EYS: variants seen among roughly 807,000 people sequenced by gnomAD.
EYS encodes the protein protein eyes shut homolog.
A neutral mutation model predicts 282.1 loss-of-function variants in EYS; 250 were observed. That is an observed-to-expected ratio of 0.89 (90% CI 0.80 to 0.98). The LOEUF (loss-of-function observed/expected upper bound fraction) is 0.98, where lower values mean the gene tolerates loss of function less well. EYS is among the 50% of genes least tolerant of loss of function. The probability of loss-of-function intolerance (pLI) is 0.00; values close to 1 mark genes in which losing one functional copy is unlikely to be tolerated. For synonymous variants in EYS, 1,355 were observed against 1,282.9 expected (o/e 1.06, Z -1.20); for missense variants, 4,016 against 3,709.0 (o/e 1.08, Z -2.15).
At chr6:63,862,651 T>C (rs1772563616) in intron 36 of EYS, among the ~76,000 whole-genome samples, 1 of 152,224 alleles carries the variant, frequency 6.6e-6, no homozygotes, top group Non-Finnish European at 1.5e-5. Flanking sequence ...ATGATTCATC[T>C]CTTAGTAATC....
At chr6:65,174,724 C>A (rs1211828118) in intron 12 of EYS, among the ~76,000 whole-genome samples, 2 of 151,202 alleles carry the variant, frequency 1.3e-5, no homozygotes, top group Non-Finnish European at 3.0e-5. Flanking sequence ...TTGACTGATC[C>A]ATAAATTGTT....
At chr6:64,722,975 T>C (rs1771631319) in intron 22 of EYS, among the ~76,000 whole-genome samples, 1 of 151,916 alleles carries the variant, frequency 6.6e-6, no homozygotes, top group Non-Finnish European at 1.5e-5. Flanking sequence ...ACATTCTTAA[T>C]ACTTTTAGGT....
At chr6:63,864,659 G>A (rs1352262149) in intron 35 of EYS, among the ~76,000 whole-genome samples, 1 of 151,916 alleles carries the variant, frequency 6.6e-6, no homozygotes, top group Non-Finnish European at 1.5e-5. Context: ...GCCTTTTCAG[G>A]GCTTCATTGA....
At chr6:65,582,198 CAAATAAATAAAT>C (rs3049810) in intron 2 of EYS, among the ~76,000 whole-genome samples, 6 of 143,182 alleles carry the variant, frequency 4.2e-5, no homozygotes, top group Non-Finnish European at 3.0e-5. Context: ...TCCATCTCAA[CAAATAAATAAAT>C]AAATAAATAA....
intron 36 of EYS, among the ~76,000 whole-genome samples, chr6:63,854,409 C>A (rs185228164): frequency 6.6e-6 from 1 of 152,054 alleles, no homozygotes; most frequent in Non-Finnish European, 1.5e-5. Context: ...ACAATGAGAA[C>A]ACATGGACAC....
chr6:64,915,417 C>T (rs1341945016), intron 15 of EYS, among the ~76,000 whole-genome samples: 1 of 152,094 alleles, frequency 6.6e-6, no homozygotes, highest in African/African-American at 2.4e-5. Flanking sequence ...ATAAGGTCCT[C>T]AGTGTTGAAA....
At chr6:64,433,586 C>A (rs972364451) in intron 28 of EYS, among the ~76,000 whole-genome samples, 1 of 151,764 alleles carries the variant, frequency 6.6e-6, no homozygotes, top group Non-Finnish European at 1.5e-5. Context: ...CAGATATAGA[C>A]AGGGTATCAA....
intron 29 of EYS, among the ~76,000 whole-genome samples, chr6:64,350,362 A>C (rs890168154): frequency 1.3e-5 from 2 of 151,660 alleles, no homozygotes; most frequent in Admixed American, 1.3e-4. Flanking sequence ...CTAATTCCGA[A>C]TGTTAAAATT....
chr6:65,283,552 A>G (rs915834566), intron 12 of EYS, among the ~76,000 whole-genome samples: 4 of 151,884 alleles, frequency 2.6e-5, no homozygotes, highest in African/African-American at 9.7e-5. Context: ...TAGACTTGAC[A>G]TTTGTAACAC....
intron 35 of EYS, among the ~76,000 whole-genome samples, chr6:63,980,015 A>T (rs1368896252): frequency 6.6e-6 from 1 of 151,912 alleles, no homozygotes; most frequent in Admixed American, 6.6e-5. Flanking sequence ...ACTTTACAGC[A>T]GTAAATTAGA....
chr6:65,408,038 T>C (rs1766829374), intron 5 of EYS, among the ~76,000 whole-genome samples: 1 of 152,118 alleles, frequency 6.6e-6, no homozygotes. Flanking sequence ...CTGCAACTAT[T>C]GAGATGATTA....
intron 5 of EYS, among the ~76,000 whole-genome samples, chr6:65,425,322 A>G (rs1235043471): frequency 1.3e-5 from 2 of 152,078 alleles, no homozygotes; most frequent in Non-Finnish European, 2.9e-5. Flanking sequence ...GTGCAAAACA[A>G]GTAAAATTTG....
At chr6:64,915,407 A>G (rs1029206907) in intron 15 of EYS, among the ~76,000 whole-genome samples, 9 of 152,158 alleles carry the variant, frequency 5.9e-5, no homozygotes, top group African/African-American at 2.2e-4. Context: ...AAGAATTGAT[A>G]TAAGGTCCTC....
At chr6:64,682,828 T>C (rs1769947882) in intron 22 of EYS, among the ~76,000 whole-genome samples, 1 of 152,204 alleles carries the variant, frequency 6.6e-6, no homozygotes, top group Non-Finnish European at 1.5e-5. Context: ...CCGCTCCTGC[T>C]CTGAAACTTG....
At chr6:64,464,160 T>C (rs534691353) in intron 26 of EYS, among the ~76,000 whole-genome samples, 35 of 152,272 alleles carry the variant, frequency 2.3e-4, no homozygotes, top group East Asian at 1.9e-3. Flanking sequence ...AAATCTACAA[T>C]TGTGATACAT....
intron 26 of EYS, among the ~76,000 whole-genome samples, chr6:64,583,607 C>G (rs1167687000): frequency 6.6e-6 from 1 of 152,076 alleles, no homozygotes; most frequent in Non-Finnish European, 1.5e-5. Flanking sequence ...ACCAGCTTGA[C>G]CAACATGGAG....
intron 13 of EYS, among the ~76,000 whole-genome samples, chr6:65,007,828 G>C (rs973967416): frequency 1.3e-5 from 2 of 152,104 alleles, no homozygotes; most frequent in African/African-American, 2.4e-5. Context: ...AATAGACCTA[G>C]GTAAATTCTC....
intron 31 of EYS, among the ~76,000 whole-genome samples, chr6:64,203,778 C>A (rs1043380996): frequency 1.3e-5 from 2 of 152,118 alleles, no homozygotes; most frequent in African/African-American, 4.8e-5. Flanking sequence ...AGGTCTAGAG[C>A]AATACCTGAC....
chr6:65,630,484 T>A (rs1766872867), intron 2 of EYS, among the ~76,000 whole-genome samples: 1 of 152,210 alleles, frequency 6.6e-6, no homozygotes, highest in African/African-American at 2.4e-5. Flanking sequence ...ACTTACATAT[T>A]TCTCAATGTA....
Sources: gnomAD v4.1 joint callset for allele counts (sites outside exome capture counted in the v4.1 genomes callset) on GRCh38, gnomAD v4.1.1 for gene constraint, MANE v1.5 for transcripts, NCBI Gene and HGNC (gene_info 2026-07-23, HGNC 2026-07-21) for gene names.